CLCA2: variants seen among roughly 807,000 people sequenced by gnomAD.
CLCA2 encodes the protein calcium-activated chloride channel regulator 2.
CLCA2 carries 85 observed loss-of-function variants against 82.9 expected under a neutral mutation model. The observed-to-expected ratio is 1.03, with a 90% CI of 0.86 to 1.23. The LOEUF is 1.23. CLCA2 is among the 50% of genes most tolerant of loss of function. CLCA2 has a pLI of 0.00. For missense variants in CLCA2, 1,089 were observed against 1,124.8 expected (o/e 0.97, Z 0.45); for synonymous variants, 421 against 391.7 (o/e 1.07, Z -0.88).
chr1:86,453,608 T>A lies in CLCA2; in HGVS notation c.2389+6T>A, dbSNP rs767490673. ...AGACTTTGATCAGGGCCAGGGTAGG[T>A]TTGCTCATTTCATTACCTATTTTTC... On this transcript the variant is annotated splice_donor_region_variant and intron_variant, in intron 13 of 13. Coordinates refer to ENST00000370565, the MANE Select transcript of CLCA2 (RefSeq NM_006536.7). 16 of 1,610,994 alleles carry A rather than the reference T, an allele frequency of 9.9e-6. No homozygotes were observed. In the South Asian group the frequency reaches 1.6e-4, roughly 17 times the overall value.
intron 12 of CLCA2, among the ~76,000 whole-genome samples, chr1:86,451,565 C>T (rs1021240202): frequency 4.6e-5 from 7 of 152,092 alleles, no homozygotes; most frequent in African/African-American, 1.7e-4. Context: ...TCTATGATAC[C>T]TCACTCTCCT....
chr1:86,444,116 T>G (rs751368722), intron 10 of CLCA2, 105 bp downstream of exon 10: 7 of 760,314 alleles, frequency 9.2e-6, no homozygotes, highest in Non-Finnish European at 1.5e-5. Flanking sequence ...CTTGTTTTAA[T>G]ATATCAAAAG....
At chr1:86,445,356 C>CTTTTTTTT (rs1190239314) in intron 10 of CLCA2, 81 of 88,930 alleles carry the variant, frequency 9.1e-4, no homozygotes, top group Middle Eastern at 8.8e-3. Flanking sequence ...AAGTGTTAAC[C>CTTTTTTTT]TTTTTTTTTT....
rs772121728 is a variant in CLCA2 at position 86,447,666 on chromosome 1, T to C, written c.1872T>C (p.Ile624=). The C allele has an allele frequency of 1.9e-6, 3 of 1,614,008 alleles. No individual in the cohort carries two copies. The South Asian group carries it at 3.3e-5, about 18-fold the overall frequency. ...DSLHFPHPVM[I]YANVKQGFYP... ...TCCATTTTCCTCATCCTGTGATGAT[T>C]TATGCCAATGTGAAACAGGGATTTT... The change falls in exon 11 of 14, where the codon ATT becomes ATC. Residue 624 remains isoleucine (I), a synonymous_variant. Coordinates refer to ENST00000370565, the MANE Select transcript of CLCA2 (RefSeq NM_006536.7).
rs186053227 is a variant in CLCA2, at chr1:86,443,871, A to G, written c.1573A>G (p.Met525Val). The change falls in exon 10 of 14, where the codon ATG becomes GTG. Residue 525 changes from methionine to valine, a missense_variant. By Grantham distance (21) the Met-to-Val change is conservative. Coordinates refer to ENST00000370565, the MANE Select transcript of CLCA2 (RefSeq NM_006536.7). The part of the protein sequence containing the change: ...TVDNTVGNDT[M>V]FLVTWQASGP... ...GGATAATACTGTGGGCAACGACACT[A>G]TGTTTCTAGTTACGTGGCAGGCCAG... 5 of 1,614,062 alleles carry G rather than the reference A, an allele frequency of 3.1e-6. No homozygotes were observed. The highest frequency in any genetic ancestry group is 2.2e-5 in the East Asian group (1 of 44,864).
At chr1:86,426,260 G>C (rs1046832114) in intron 2 of CLCA2, among the ~76,000 whole-genome samples, 1 of 152,086 alleles carries the variant, frequency 6.6e-6, no homozygotes, top group African/African-American at 2.4e-5. Context: ...CTTATCTCAG[G>C]GTTTCAGCAA....
intron 11 of CLCA2, among the ~76,000 whole-genome samples, chr1:86,449,128 T>C (rs2101710586): frequency 6.6e-6 from 1 of 152,380 alleles, no homozygotes; most frequent in Admixed American, 6.5e-5. Context: ...CATAGTTGTT[T>C]AATACTTTTA....
At chr1:86,451,697 C>T (rs914887145) in intron 12 of CLCA2, among the ~76,000 whole-genome samples, 2 of 152,096 alleles carry the variant, frequency 1.3e-5, no homozygotes, top group Non-Finnish European at 2.9e-5. Flanking sequence ...AGCCACATTG[C>T]CTGGTTTTGA....
intron 3 of CLCA2, among the ~76,000 whole-genome samples, chr1:86,428,786 A>G (rs995838075): frequency 6.6e-6 from 1 of 152,200 alleles, no homozygotes; most frequent in African/African-American, 2.4e-5. Flanking sequence ...TGCTATAAGA[A>G]TTCAATCAAG....
chr1:86,446,857 G>A (rs1267061309), intron 10 of CLCA2, among the ~76,000 whole-genome samples: 2 of 152,144 alleles, frequency 1.3e-5, no homozygotes, highest in East Asian at 3.8e-4. Context: ...TCTTTTGTAG[G>A]TTTTTCCCAG....
intron 12 of CLCA2, among the ~76,000 whole-genome samples, chr1:86,451,957 T>C (rs539274038): frequency 6.6e-5 from 10 of 152,238 alleles, no homozygotes; most frequent in South Asian, 4.1e-4. Flanking sequence ...CATATGCCTT[T>C]AATAACATCT....
At chr1:86,450,099 G>A (rs1160802499) in intron 11 of CLCA2, among the ~76,000 whole-genome samples, 3 of 152,086 alleles carry the variant, frequency 2.0e-5, no homozygotes, top group Non-Finnish European at 2.9e-5. Context: ...ATTTATTAAA[G>A]GTCCTTAATC....
intron 10 of CLCA2, among the ~76,000 whole-genome samples, chr1:86,444,336 C>G (rs1487226544): frequency 6.6e-6 from 1 of 152,112 alleles, no homozygotes; most frequent in Non-Finnish European, 1.5e-5. Context: ...AGAAAAAAAT[C>G]TCTACTTAGA....
At chr1:86,426,321 T>G (rs1295507252) in intron 2 of CLCA2, among the ~76,000 whole-genome samples, 1 of 152,108 alleles carries the variant, frequency 6.6e-6, no homozygotes. Context: ...GACTCAAACA[T>G]GTGGTACAGC....
At chr1:86,434,490 C>CT (rs1662560158) in intron 5 of CLCA2, 28 bp from the exon 6 acceptor site, 1 of 1,587,424 alleles carries the variant, frequency 6.3e-7, no homozygotes, top group African/African-American at 1.3e-5. Flanking sequence ...AAGTGCCTCT[C>CT]TTTATTAAAG....
intron 11 of CLCA2, 47 bp from the exon 12 acceptor site, chr1:86,450,516 A>G: frequency 7.0e-7 from 1 of 1,424,560 alleles, no homozygotes; most frequent in Non-Finnish European, 9.6e-7. Context: ...AATATTAGTA[A>G]TCTACTATAA....
rs183972586 is a variant in CLCA2, at chr1:86,429,459, C to G, written c.475+891C>G. On this transcript the variant is annotated intron_variant, in intron 3 of 13. Transcript: ENST00000370565. ...TTTTGTCAGACATGGAAAAAACCAGCTTCAAGAAGAAATCCCACAAGTCTG... is the reference window on the plus strand; with the variant it reads ...TTTTGTCAGACATGGAAAAAACCAGGTTCAAGAAGAAATCCCACAAGTCTG... Among the ~76,000 whole-genome samples the G allele has an allele frequency of 3.9e-5, 6 of 152,262 alleles. No homozygotes were observed. In the East Asian group the frequency reaches 9.6e-4, roughly 24 times the overall value.
rs1055014018 is a variant in CLCA2 at position 86,456,447 on chromosome 1, G to T, written c.*920G>T. On this transcript the variant is annotated 3_prime_UTR_variant, in exon 14 of 14. Transcript: ENST00000370565. The stretch of plus-strand genomic sequence containing the variant: ...TACTTACCAAGGGCAGGGGAAGGGG[G>T]ATATAGAGGTCACAAGGAAATAAAA... 3 of 152,062 alleles carry T rather than the reference G, an allele frequency of 2.0e-5. No individual in the cohort carries two copies. Among genetic ancestry groups the T allele is most frequent in the Admixed American group, 2.0e-4 (3 of 15,262 alleles). 9.4% of individuals were successfully genotyped at this position (152,062 alleles called of 1,614,324 possible).
At chr1:86,440,843 G>C (rs1422600664) in intron 8 of CLCA2, among the ~76,000 whole-genome samples, 1 of 152,152 alleles carries the variant, frequency 6.6e-6, no homozygotes, top group African/African-American at 2.4e-5. Flanking sequence ...AGAGGTTGCA[G>C]TCACCTGAGA....
Sources: gnomAD v4.1 joint callset for allele counts (sites outside exome capture counted in the v4.1 genomes callset) on GRCh38, gnomAD v4.1.1 for gene constraint, MANE v1.5 for transcripts, NCBI Gene and HGNC (gene_info 2026-07-23, HGNC 2026-07-21) for gene names.